Variants in TREH observed in about 807,000 individuals in gnomAD.
The protein encoded by TREH is trehalase.
In TREH, 69 loss-of-function variants were observed where a neutral mutation model predicts 80.5. That is an observed-to-expected ratio of 0.86 (90% CI 0.71 to 1.05). TREH has a LOEUF of 1.05. TREH is among the 50% of genes least tolerant of loss of function. TREH has a pLI of 0.00. For missense variants in TREH, 716 were observed against 718.8 expected, an observed-to-expected ratio of 1.00 and a Z score of 0.04; for synonymous variants, 309 against 293.5, an observed-to-expected ratio of 1.05 and a Z score of -0.54.
In TREH at chr11:118,676,357, T is replaced by C. The variant is rs989249134; in HGVS notation, c.89+3182A>G. ...AGGCATGGTGGCACACACCTAGTCC[T>C]AGCTATTCAGGAGGCCAAGGTGGGA... On this transcript the variant is annotated intron_variant, in intron 1 of 14. Coordinates refer to ENST00000264029, the MANE Select transcript of TREH (RefSeq NM_007180.3). Among the ~76,000 whole-genome samples the C allele has an allele frequency of 1.3e-5, 2 of 151,980 alleles. 1 individual carries two copies. Among genetic ancestry groups the C allele is most frequent in the Admixed American group, 1.3e-4 (2 of 15,254 alleles).
At chr11:118,670,252 C>T (rs1949418789) in intron 1 of TREH, among the ~76,000 whole-genome samples, 1 of 152,156 alleles carries the variant, frequency 6.6e-6, no homozygotes, top group African/African-American at 2.4e-5. Flanking sequence ...TATAATCCAT[C>T]TAGAGCCTCA....
Position 118,658,743 on chromosome 11 carries a change from A to G in TREH, c.1546-10T>C. On this transcript the variant is annotated splice_polypyrimidine_tract_variant and intron_variant, in intron 13 of 14. Coordinates refer to ENST00000264029, the MANE Select transcript of TREH (RefSeq NM_007180.3). ...CGTTGCTGACGTCATACTGGGGACA[A>G]GCGGGTGGGCTGTATGTCAGGTACT... 1 of 1,607,964 alleles carries G rather than the reference A, an allele frequency of 6.2e-7. No homozygotes were observed. Among genetic ancestry groups the G allele is most frequent in the Non-Finnish European group, 8.5e-7 (1 of 1,177,078 alleles).
intron 1 of TREH, among the ~76,000 whole-genome samples, chr11:118,673,540 C>A (rs1011367853): frequency 6.6e-6 from 1 of 152,216 alleles, no homozygotes; most frequent in South Asian, 2.1e-4. Context: ...TGGCTGCTGC[C>A]CTGCAATGTC....
rs544452467 is a variant in TREH, at chr11:118,666,835, A to C, written c.90-3396T>G. Among the ~76,000 whole-genome samples the C allele has an allele frequency of 2.5e-3, 387 of 152,326 alleles. 3 individuals are homozygous for C. The highest frequency in any genetic ancestry group is 9.0e-3 in the African/African-American group (373 of 41,570). ...ATGCAGATCACCCTTGTTTTCGTGG[A>C]TGAAAAGCTGTTAAACAGAATAGAA... On this transcript the variant is annotated intron_variant, in intron 1 of 14. Transcript: ENST00000264029.
intron 1 of TREH, among the ~76,000 whole-genome samples, chr11:118,667,937 T>G (rs1949393468): frequency 6.6e-6 from 1 of 152,132 alleles, no homozygotes. Context: ...CCATCTCAGC[T>G]CACTGCAACC....
chr11:118,657,874 C>G lies in TREH; in HGVS notation c.*415G>C, dbSNP rs1949209470. Reference sequence around the variant, plus strand: ...AAATGGAGAGTGGAGGACCAGGCCTCCAGCTGTCTGGCCTCGCCCTTCACG... The same window carrying G: ...AAATGGAGAGTGGAGGACCAGGCCTGCAGCTGTCTGGCCTCGCCCTTCACG... On this transcript the variant is annotated 3_prime_UTR_variant, in exon 15 of 15. Coordinates refer to ENST00000264029, the MANE Select transcript of TREH (RefSeq NM_007180.3). 1 of 171,656 alleles carries G rather than the reference C, an allele frequency of 5.8e-6. No homozygotes were observed. The highest frequency in any genetic ancestry group is 1.3e-5 in the Non-Finnish European group (1 of 79,804). The allele number at this position is 171,656 out of a possible 1,614,324, so 10.6% of individuals were successfully genotyped here.
At position 118,661,819 on chromosome 11, in the gene TREH, C is replaced by T. The variant is rs898854383; in HGVS notation, c.524+71G>A. On this transcript the variant is annotated intron_variant, in intron 5 of 14. Coordinates refer to ENST00000264029, the MANE Select transcript of TREH (RefSeq NM_007180.3). This position sits in a 1 kb window ranked among gnomAD's most constrained non-coding sequence, Gnocchi z 4.2. ...GGCACTCTGCCCTGCTGAAGACACCCTGCTGGCCCTGGGTTTCTCCACCAC... is the reference window on the plus strand; with the variant it reads ...GGCACTCTGCCCTGCTGAAGACACCTTGCTGGCCCTGGGTTTCTCCACCAC... 4.4e-6 allele frequency: 7 copies of T among 1,592,224 alleles called. No individual in the cohort carries two copies. The Admixed American group carries it at 7.0e-5, about 16-fold the overall frequency.
intron 1 of TREH, among the ~76,000 whole-genome samples, chr11:118,671,249 A>AT (rs1949427302): frequency 6.6e-6 from 1 of 152,108 alleles, no homozygotes; most frequent in Non-Finnish European, 1.5e-5. Context: ...ATATAGTTAT[A>AT]TTTTTTTGCT....
Position 118,661,930 on chromosome 11 carries a change from A to T in TREH, c.484T>A (p.Phe162Ile), listed in dbSNP as rs1949328325. The T allele has an allele frequency of 6.4e-7, 1 of 1,555,946 alleles. No homozygotes were observed. The highest frequency in any genetic ancestry group is 2.0e-5 in the Admixed American group (1 of 51,254). Residue 162 changes from phenylalanine (F) to isoleucine (I), a missense_variant, in exon 5 of 15, where the codon TTC becomes ATC. By Grantham distance (21) the Phe-to-Ile change is conservative. Coordinates refer to ENST00000264029, the MANE Select transcript of TREH (RefSeq NM_007180.3). The surrounding 1 kb of genome is among the most constrained non-coding windows in gnomAD (Gnocchi z 4.2). Reference sequence around the variant, plus strand: ...ACAAAGCGACCGCCAGGCACAATGAAGGGATGTTCTGAGTAGATGAGAGAG... The same window carrying T: ...ACAAAGCGACCGCCAGGCACAATGATGGGATGTTCTGAGTAGATGAGAGAG... ...RFSLIYSEHP[F>I]IVPGGRFVEF...
rs1159705540 is a variant in TREH at position 118,659,875 on chromosome 11, C to T, written c.1192G>A (p.Ala398Thr). The change falls in exon 11 of 15, where the codon GCC becomes ACC. Residue 398 changes from alanine (A) to threonine (T), a missense_variant. Transcript: ENST00000264029. Reference protein sequence around the residue: ...NTVLWDEQTGAWFDYDLEKKK... With the variant: ...NTVLWDEQTGTWFDYDLEKKK... ...TTCTCAAGGTCGTAATCGAACCAGG[C>T]TCCGGTCTGCTCATCCCACAGGACT... 6.4e-7 allele frequency: 1 copy of T among 1,552,032 alleles called. No homozygotes were observed. The highest frequency in any genetic ancestry group is 8.7e-7 in the Non-Finnish European group (1 of 1,147,166).
intron 1 of TREH, among the ~76,000 whole-genome samples, chr11:118,678,265 C>T (rs1949499493): frequency 6.6e-6 from 1 of 152,184 alleles, no homozygotes; most frequent in African/African-American, 2.4e-5. Context: ...CACCGTCCCT[C>T]CCCATCCTCT....
At chr11:118,668,144 C>T (rs1446102033) in intron 1 of TREH, among the ~76,000 whole-genome samples, 3 of 152,106 alleles carry the variant, frequency 2.0e-5, no homozygotes, top group African/African-American at 7.2e-5. Context: ...GGATTACAGG[C>T]GTGAGCCACC....
chr11:118,660,450 G>T, intron 10 of TREH, 89 bp downstream of exon 10: 1 of 1,384,576 alleles, frequency 7.2e-7, no homozygotes, highest in Non-Finnish European at 9.8e-7. Context: ...CTGAAGGCCT[G>T]TCACACAAGG....
chr11:118,660,636 C>T lies in TREH; in HGVS notation c.1005G>A (p.Ser335=), dbSNP rs782709423. 1.7e-5 allele frequency: 28 copies of T among 1,607,766 alleles called. No individual in the cohort carries two copies. The highest frequency in any genetic ancestry group is 4.5e-5 in the East Asian group (2 of 44,678). The change falls in exon 10 of 15, where the codon TCG becomes TCA. Residue 335 remains serine (S), a synonymous_variant. Transcript: ENST00000264029. ...RWLIGGPNPN[S]LSGIRTSKLV... ...GTTTGCTTGTTCGGATGCCGCTAAG[C>T]GAGTTGGGGTTTGGGCCTCCAATGA...
In TREH at chr11:118,659,790, A is replaced by G; in HGVS notation, c.1277T>C (p.Phe426Ser). The G allele has an allele frequency of 6.3e-7, 1 of 1,585,370 alleles. No individual in the cohort carries two copies. Among genetic ancestry groups the G allele is most frequent in the African/African-American group, 1.3e-5 (1 of 74,544 alleles). ...CTTGTCCGCCACGCCAGGGTCAGAG[A>G]AACACCCGGCCCAGAGTGGAGTGAG... ...SNLTPLWAGC[F>S]SDPGVADKAL... The change falls in exon 11 of 15, where the codon TTC becomes TCC. Residue 426 changes from phenylalanine (F) to serine (S), a missense_variant. Coordinates refer to ENST00000264029, the MANE Select transcript of TREH (RefSeq NM_007180.3).
chr11:118,659,786 A>G lies in TREH; in HGVS notation c.1281T>C (p.Ser427=). The change falls in exon 11 of 15, where the codon TCT becomes TCC. Residue 427 remains serine (S), a synonymous_variant. Coordinates refer to ENST00000264029, the MANE Select transcript of TREH (RefSeq NM_007180.3). ...GAGCCTTGTCCGCCACGCCAGGGTC[A>G]GAGAAACACCCGGCCCAGAGTGGAG... The part of the protein sequence containing the change: ...NLTPLWAGCF[S]DPGVADKALK... 1 of 1,585,420 alleles carries G rather than the reference A, an allele frequency of 6.3e-7. No individual in the cohort carries two copies. The highest frequency in any genetic ancestry group is 1.8e-5 in the Admixed American group (1 of 55,496).
chr11:118,667,401 T>G (rs1243999228), intron 1 of TREH, among the ~76,000 whole-genome samples: 1 of 151,976 alleles, frequency 6.6e-6, no homozygotes, highest in African/African-American at 2.4e-5. Context: ...AGGCTGGTCT[T>G]GAACTCCTGG....
At chr11:118,658,794 C>T in intron 13 of TREH, 61 bp from the exon 14 acceptor site, 1 of 1,611,880 alleles carries the variant, frequency 6.2e-7, no homozygotes, top group African/African-American at 1.3e-5. Context: ...GAACAACAAA[C>T]AACCAGAGCC....
intron 1 of TREH, among the ~76,000 whole-genome samples, chr11:118,672,934 T>A (rs1949444035): frequency 6.6e-6 from 1 of 152,058 alleles, no homozygotes. Flanking sequence ...GAAAATGGTA[T>A]AGTCATACCA....
Sources: allele counts gnomAD v4.1 joint callset (sites outside exome capture counted in the v4.1 genomes callset), GRCh38; gene constraint gnomAD v4.1.1; non-coding constraint Gnocchi (gnomAD v3.1); transcripts MANE v1.5; gene names NCBI Gene and HGNC (gene_info 2026-07-23, HGNC 2026-07-21).